GCNT1: variants seen among roughly 807,000 people sequenced by gnomAD.
GCNT1 encodes the protein beta-1,3-galactosyl-O-glycosyl-glycoprotein beta-1,6-N-acetylglucosaminyltransferase.
A neutral mutation model predicts 26.2 loss-of-function variants in GCNT1; 16 were observed. That is an observed-to-expected ratio of 0.61 (90% CI 0.41 to 0.93). The LOEUF is 0.93. Among genes scored for constraint, GCNT1 ranks in the 40% least tolerant of loss-of-function variants. The pLI is 0.00. For synonymous variants in GCNT1, 183 were observed against 190.8 expected (o/e 0.96, Z 0.34); for missense variants, 477 against 526.7 (o/e 0.91, Z 0.92).
chr9:76,447,311 C>T (rs1823593514), intron 1 of GCNT1, among the ~76,000 whole-genome samples: 1 of 151,904 alleles, frequency 6.6e-6, no homozygotes, highest in Non-Finnish European at 1.5e-5. Flanking sequence ...TTGATCACCA[C>T]TCACTGCAGC....
At chr9:76,471,016 A>G (rs1292561098) in intron 2 of GCNT1, among the ~76,000 whole-genome samples, 3 of 152,190 alleles carry the variant, frequency 2.0e-5, no homozygotes, top group Non-Finnish European at 4.4e-5. Context: ...GATCTCATCC[A>G]TTGTCTACAC....
At chr9:76,443,542 AC>A (rs1823515138) in intron 1 of GCNT1, among the ~76,000 whole-genome samples, 1 of 152,186 alleles carries the variant, frequency 6.6e-6, no homozygotes, top group South Asian at 2.1e-4. Flanking sequence ...GCGGTTTTCC[AC>A]CCTGGGTGGG....
At chr9:76,454,800 C>T (rs143435076), upstream of GCNT1, among the ~76,000 whole-genome samples, 1 of 151,436 alleles carries the variant, frequency 6.6e-6, no homozygotes, top group African/African-American at 2.4e-5. Flanking sequence ...GAGGCCCCCC[C>T]AGCCAGGCAA....
At chr9:76,440,660 A>C (rs1026580332), upstream of GCNT1, among the ~76,000 whole-genome samples, 1 of 152,140 alleles carries the variant, frequency 6.6e-6, no homozygotes, top group African/African-American at 2.4e-5. Flanking sequence ...TGACTTGGGG[A>C]CTGGGTCCAG....
intron 2 of GCNT1, among the ~76,000 whole-genome samples, chr9:76,493,567 A>C (rs750294471): frequency 6.6e-6 from 1 of 152,190 alleles, no homozygotes; most frequent in Non-Finnish European, 1.5e-5. Flanking sequence ...CTCCCCCTAC[A>C]GCTTGAAGGG....
chr9:76,496,030 G>A (rs1420026016), intron 2 of GCNT1, among the ~76,000 whole-genome samples: 3 of 152,070 alleles, frequency 2.0e-5, no homozygotes, highest in Non-Finnish European at 4.4e-5. Context: ...GGATTCCCCA[G>A]TAAAAAAAAC....
At chr9:76,428,901 T>A (rs1176774308) in intron 1 of GCNT1, among the ~76,000 whole-genome samples, 2 of 152,114 alleles carry the variant, frequency 1.3e-5, no homozygotes, top group Admixed American at 1.3e-4. Flanking sequence ...GGTTTCTCCG[T>A]GTTGGTCAGG....
At position 76,447,062 on chromosome 9, in the gene GCNT1, G is replaced by A. The variant is rs186016948; in HGVS notation, c.-290+4747G>A. Among the ~76,000 whole-genome samples, 579 of 146,442 alleles carry A rather than the reference G, an allele frequency of 4.0e-3. 3 individuals carry two copies. The highest frequency in any genetic ancestry group is 7.3e-3 in the Non-Finnish European group (484 of 66,576). On this transcript the variant is annotated intron_variant, in intron 1 of 2. Transcript: ENST00000442371. ...CCCAGCTACTTGGGAGGCTGAGGTA[G>A]GAGGATTGTCTGAGCCCAGGAGATT...
At chr9:76,399,252 T>TAC in the GCNT1 span, 1 of 1,481,560 alleles carries the variant, frequency 6.7e-7, no homozygotes, top group Non-Finnish European at 9.3e-7. Flanking sequence ...GTTCTGCGCA[T>TAC]GTGTAGCACG....
At chr9:76,399,135 C>T in the GCNT1 span, 1 of 1,507,882 alleles carries the variant, frequency 6.6e-7, no homozygotes, top group African/African-American at 1.4e-5. Context: ...CCTACCATTG[C>T]TCTGTGTAAC....
At position 76,428,515 on chromosome 9, in the gene GCNT1, T is replaced by C. The variant is rs188967549; in HGVS notation, n.38+8628T>C. ...TGACATATTTGCTTTTTTTGACTTC[T>C]GTTTTTAAAAAGAAACAGAACATTA... On this transcript the variant is annotated intron_variant and non_coding_transcript_variant, in intron 1 of 3. Transcript: ENST00000488136. Among the ~76,000 whole-genome samples the C allele has an allele frequency of 7.9e-5, 12 of 152,090 alleles. No homozygotes were observed. The East Asian group carries it at 1.2e-3, about 15-fold the overall frequency.
At chr9:76,457,337 C>T (rs1823773557), upstream of GCNT1, among the ~76,000 whole-genome samples, 1 of 152,260 alleles carries the variant, frequency 6.6e-6, no homozygotes, top group Non-Finnish European at 1.5e-5. Flanking sequence ...CAACCTCCAC[C>T]TCCCGGGTTC....
chr9:76,456,916 A>G (rs1823766432), upstream of GCNT1, among the ~76,000 whole-genome samples: 1 of 152,230 alleles, frequency 6.6e-6, no homozygotes, highest in Non-Finnish European at 1.5e-5. Context: ...TTGAGGCTGC[A>G]GTGAGCTGTG....
intron 2 of GCNT1, among the ~76,000 whole-genome samples, chr9:76,486,920 C>CAAACA (rs1824594910): frequency 6.6e-6 from 1 of 151,328 alleles, no homozygotes. Flanking sequence ...CTACTTAAAA[C>CAAACA]AAACAAACAA....
intron 1 of GCNT1, among the ~76,000 whole-genome samples, chr9:76,428,265 C>CAAAAAAAAA (rs869195487): frequency 0.14 from 4,018 of 29,700 alleles, 665 homozygotes; most frequent in Non-Finnish European, 0.22. Context: ...GACTCCGTCT[C>CAAAAAAAAA]AAAAAAAAAA....
the GCNT1 span, among the ~76,000 whole-genome samples, chr9:76,398,123 AT>A: frequency 1.3e-5 from 2 of 151,906 alleles, no homozygotes; most frequent in African/African-American, 4.8e-5. Context: ...CTCTGGTTTA[AT>A]TTGTCTCTGT....
At chr9:76,423,334 A>G (rs1823222926) in intron 1 of GCNT1, among the ~76,000 whole-genome samples, 1 of 152,208 alleles carries the variant, frequency 6.6e-6, no homozygotes, top group Admixed American at 6.5e-5. Context: ...GAATGAATTA[A>G]TGCCAATTAT....
chr9:76,474,665 T>A (rs1229709206), intron 2 of GCNT1, among the ~76,000 whole-genome samples: 1 of 152,198 alleles, frequency 6.6e-6, no homozygotes, highest in African/African-American at 2.4e-5. Flanking sequence ...GATGTGTAAG[T>A]GAAGTTAGAT....
upstream of GCNT1, among the ~76,000 whole-genome samples, chr9:76,415,640 A>G (rs1564216989): frequency 6.6e-6 from 1 of 152,230 alleles, no homozygotes; most frequent in Non-Finnish European, 1.5e-5. Context: ...AACCAGATAT[A>G]AAATGGGATT....
Sources: gnomAD v4.1 joint callset for allele counts (sites outside exome capture counted in the v4.1 genomes callset) on GRCh38, gnomAD v4.1.1 for gene constraint, MANE v1.5 for transcripts, NCBI Gene and HGNC (gene_info 2026-07-23, HGNC 2026-07-21) for gene names.